Variants in VPS26A observed in about 807,000 individuals in gnomAD.
VPS26A encodes VPS26 retromer complex component A.
VPS26A carries 22 observed loss-of-function variants against 42.4 expected under a neutral mutation model. That is an observed-to-expected ratio of 0.52 (90% confidence interval 0.37 to 0.74). VPS26A has a LOEUF of 0.74. Among genes scored for constraint, VPS26A ranks in the 30% least tolerant of loss-of-function variants. The probability of loss-of-function intolerance (pLI) is 0.00; values close to 1 mark genes in which losing one functional copy is unlikely to be tolerated. For synonymous variants in VPS26A, 110 were observed against 123.5 expected (o/e 0.89, Z 0.73); for missense variants, 276 against 379.2 (o/e 0.73, Z 2.26).
At chr10:69,151,277 A>AAAAAAAAACAAAAAAC (rs1554854514) in intron 2 of VPS26A, among the ~76,000 whole-genome samples, 2 of 131,132 alleles carry the variant, frequency 1.5e-5, no homozygotes, top group African/African-American at 6.2e-5. Context: ...AAAAAAAAAA[A>AAAAAAAAACAAAAAAC]AAAAAACACA....
At chr10:69,155,605 A>G (rs1207206264) in intron 2 of VPS26A, among the ~76,000 whole-genome samples, 9 of 152,202 alleles carry the variant, frequency 5.9e-5, no homozygotes, top group African/African-American at 2.2e-4. Flanking sequence ...ATGTTGATGT[A>G]AATAAGAGGT....
chr10:69,151,272 A>AAAACAAACAAAC lies in VPS26A; in HGVS notation c.154-4537_154-4536insCAAACAAACAAA, dbSNP rs1201703879. 2.7e-3 allele frequency among the ~76,000 whole-genome samples: 219 copies of AAAACAAACAAAC among 81,660 alleles called. 8 individuals are homozygous for AAAACAAACAAAC. Among genetic ancestry groups the AAAACAAACAAAC allele is most frequent in the African/African-American group, 6.7e-3 (200 of 29,864 alleles). 53.6% of individuals were successfully genotyped at this position (81,660 alleles called of 152,430 possible). A position where few individuals can be genotyped will look rare whatever the true frequency, so the allele number is the denominator to read the frequency against. ...AGAGTGAGACTCCATGTCAAAAAAA[A>AAAACAAACAAAC]AAAAAAAAAAACACACACACACACA... On this transcript the variant is annotated intron_variant, in intron 2 of 8. Coordinates refer to ENST00000263559, the MANE Select transcript of VPS26A (RefSeq NM_004896.5).
intron 1 of VPS26A, among the ~76,000 whole-genome samples, chr10:69,127,727 CTTTTTTTTTTT>C (rs572346560): frequency 3.5e-5 from 3 of 85,068 alleles, no homozygotes; most frequent in African/African-American, 1.4e-4. Context: ...TTAAAAATAT[CTTTTTTTTTTT>C]TTTTTTTTTT....
intron 7 of VPS26A, among the ~76,000 whole-genome samples, chr10:69,166,356 T>C (rs1443348188): frequency 6.6e-6 from 1 of 152,258 alleles, no homozygotes; most frequent in Non-Finnish European, 1.5e-5. Flanking sequence ...ATCTATTCTC[T>C]AGTTTTGAAT....
Position 69,174,040 on chromosome 10 carries a change from CAAAT to C in VPS26A, c.*2774_*2777del, listed in dbSNP as rs1841877754. Among the ~76,000 whole-genome samples, 1 of 152,158 alleles carries C rather than the reference CAAAT, an allele frequency of 6.6e-6. No individual in the cohort carries two copies. Among genetic ancestry groups the C allele is most frequent in the African/African-American group, 2.4e-5 (1 of 41,454 alleles). On this transcript the variant is annotated 3_prime_UTR_variant, in exon 9 of 9. Transcript: ENST00000263559. ...CCAATCAGCAGGACGTGGGCGGGGA[CAAAT>C]AAGAGAATAAAAGCTGGCCACCCCC...
chr10:69,171,397 TTTATCTTACAGCGCAGCA>T lies in VPS26A; in HGVS notation c.*131_*148del. 1 of 677,834 alleles carries T rather than the reference TTTATCTTACAGCGCAGCA, an allele frequency of 1.5e-6. No individual in the cohort carries two copies. The allele number at this position is 677,834 out of a possible 1,614,324, so 42.0% of individuals were successfully genotyped here. On this transcript the variant is annotated 3_prime_UTR_variant, in exon 9 of 9. Transcript: ENST00000263559. ...AAAACTCCATATATGTTAGTCTTCC[TTTATCTTACAGCGCAGCA>T]TTTATTTTATGATATAATGAAATGT...
rs112083287 is a variant in VPS26A at position 69,130,728 on chromosome 10, C to A, written c.4-2170C>A. Reference sequence around the variant, plus strand: ...TTCAGTCACTGCCTGACCTGTAACACCATAATGTACCTTACATGTTTTTTG... The same window carrying A: ...TTCAGTCACTGCCTGACCTGTAACAACATAATGTACCTTACATGTTTTTTG... On this transcript the variant is annotated intron_variant, in intron 1 of 8. Transcript: ENST00000263559. 2.9e-4 allele frequency among the ~76,000 whole-genome samples: 44 copies of A among 152,276 alleles called. 3 individuals carry two copies. The highest frequency in any genetic ancestry group is 1.0e-3 in the African/African-American group (42 of 41,550).
At chr10:69,146,263 T>G (rs998673991) in intron 2 of VPS26A, among the ~76,000 whole-genome samples, 8 of 152,116 alleles carry the variant, frequency 5.3e-5, no homozygotes, top group Non-Finnish European at 1.2e-4. Flanking sequence ...CCCAGCTAAT[T>G]TTTAGTACAG....
At chr10:69,132,268 A>G (rs1452543517) in intron 1 of VPS26A, among the ~76,000 whole-genome samples, 3 of 152,144 alleles carry the variant, frequency 2.0e-5, no homozygotes, top group South Asian at 2.1e-4. Context: ...GATTTCTGAC[A>G]TATGTTAATA....
chr10:69,133,436 G>A, intron 2 of VPS26A: 1 of 628,632 alleles, frequency 1.6e-6, no homozygotes, highest in Non-Finnish European at 2.3e-6. Context: ...GAGATTGAGA[G>A]TAATTCTCTG....
At chr10:69,134,463 G>A (rs1840860610) in intron 2 of VPS26A, among the ~76,000 whole-genome samples, 1 of 152,114 alleles carries the variant, frequency 6.6e-6, no homozygotes, top group African/African-American at 2.4e-5. Context: ...ATATCTGAAG[G>A]ATCTTAATAC....
intron 6 of VPS26A, 55 bp from the exon 7 acceptor site, chr10:69,165,987 C>A: frequency 6.6e-7 from 1 of 1,506,644 alleles, no homozygotes; most frequent in Non-Finnish European, 9.2e-7. Flanking sequence ...AGGCATAAGG[C>A]TAGTAATTAT....
chr10:69,146,820 GT>G (rs1439750977), intron 2 of VPS26A, among the ~76,000 whole-genome samples: 3 of 152,170 alleles, frequency 2.0e-5, no homozygotes, highest in Non-Finnish European at 4.4e-5. Context: ...ACCACATTTT[GT>G]TTATTCATCA....
At chr10:69,124,312 C>T (rs1455070070) in intron 1 of VPS26A, 32 bp downstream of exon 1, 5 of 1,243,672 alleles carry the variant, frequency 4.0e-6, no homozygotes, top group Non-Finnish European at 5.1e-6. Flanking sequence ...CGCTCGCCTC[C>T]CGCCCTCGTC....
intron 2 of VPS26A, among the ~76,000 whole-genome samples, chr10:69,153,721 C>T (rs1023877054): frequency 6.6e-6 from 1 of 152,050 alleles, no homozygotes; most frequent in Non-Finnish European, 1.5e-5. Context: ...ATAAATTTGG[C>T]TGGGTATGGT....
At chr10:69,161,692 G>A in intron 5 of VPS26A, 1 of 374,456 alleles carries the variant, frequency 2.7e-6, no homozygotes, top group Non-Finnish European at 5.3e-6. Flanking sequence ...CATCAACCGG[G>A]GTTCAGCACA....
intron 6 of VPS26A, among the ~76,000 whole-genome samples, chr10:69,163,397 G>T (rs930589150): frequency 2.6e-5 from 4 of 152,138 alleles, no homozygotes; most frequent in Non-Finnish European, 4.4e-5. Context: ...TATGATTACA[G>T]GCATAAGCCA....
intron 1 of VPS26A, among the ~76,000 whole-genome samples, chr10:69,128,243 T>G (rs1277192506): frequency 6.6e-6 from 1 of 150,928 alleles, no homozygotes; most frequent in Non-Finnish European, 1.5e-5. Flanking sequence ...TTTTTTTTTT[T>G]TTTTTTGAGG....
intron 2 of VPS26A, among the ~76,000 whole-genome samples, chr10:69,147,028 G>C (rs1490698694): frequency 6.6e-6 from 1 of 152,162 alleles, no homozygotes; most frequent in Non-Finnish European, 1.5e-5. Flanking sequence ...CACCCTTTCA[G>C]ATTGCCTCCA....
Sources: gnomAD v4.1 joint callset for allele counts (sites outside exome capture counted in the v4.1 genomes callset) on GRCh38, gnomAD v4.1.1 for gene constraint, MANE v1.5 for transcripts, NCBI Gene and HGNC (gene_info 2026-07-23, HGNC 2026-07-21) for gene names.